Variants in DCAF6 observed in about 807,000 individuals in gnomAD.
DCAF6 encodes DDB1- and CUL4-associated factor 6.
DCAF6 carries 54 observed loss-of-function variants against 125.1 expected under a neutral mutation model. That is an observed-to-expected ratio of 0.43 (90% confidence interval 0.35 to 0.54). The LOEUF (loss-of-function observed/expected upper bound fraction) is 0.54, where lower values mean the gene tolerates loss of function less well. Ranked by LOEUF, DCAF6 falls within the 20% of genes least tolerant of loss-of-function variation. The probability of loss-of-function intolerance (pLI) is 0.01; values close to 1 mark genes in which losing one functional copy is unlikely to be tolerated. For missense variants in DCAF6, 934 were observed against 1,161.7 expected, an observed-to-expected ratio of 0.80 and a Z score of 2.85; for synonymous variants, 371 against 390.4, an observed-to-expected ratio of 0.95 and a Z score of 0.58.
intron 17 of DCAF6, among the ~76,000 whole-genome samples, chr1:168,058,319 TA>T (rs1186128033): frequency 2.6e-5 from 4 of 152,250 alleles, no homozygotes; most frequent in Non-Finnish European, 4.4e-5. Context: ...CTTGCGTATA[TA>T]CCAAGGAATG....
At chr1:167,943,795 A>G (rs1487373748) in intron 1 of DCAF6, among the ~76,000 whole-genome samples, 2 of 152,162 alleles carry the variant, frequency 1.3e-5, no homozygotes, top group African/African-American at 4.8e-5. Context: ...TTAACCTAAG[A>G]TAATGACCTC....
chr1:167,985,238 C>G, intron 4 of DCAF6, among the ~76,000 whole-genome samples: 2 of 150,176 alleles, frequency 1.3e-5, no homozygotes, highest in Non-Finnish European at 3.0e-5. Context: ...TGTGTGTGTG[C>G]GTGCGCGTGT....
the DCAF6 span, among the ~76,000 whole-genome samples, chr1:167,870,959 A>C: frequency 1.3e-5 from 2 of 152,196 alleles, no homozygotes; most frequent in African/African-American, 4.8e-5. Flanking sequence ...TGTGAGAGAA[A>C]GTATTCTTAT....
the DCAF6 span, among the ~76,000 whole-genome samples, chr1:167,921,242 TTA>T: frequency 6.6e-6 from 1 of 152,012 alleles, no homozygotes; most frequent in African/African-American, 2.4e-5. Flanking sequence ...TTTTTTTTTT[TTA>T]GACAGTCTCA....
the DCAF6 span, among the ~76,000 whole-genome samples, chr1:167,922,806 A>G: frequency 6.6e-6 from 1 of 152,184 alleles, no homozygotes; most frequent in Non-Finnish European, 1.5e-5. Context: ...TAACCATTTT[A>G]AAAGTACATT....
the DCAF6 span, chr1:167,916,619 A>C: frequency 1.3e-5 from 2 of 152,260 alleles, no homozygotes; most frequent in Non-Finnish European, 2.9e-5. Flanking sequence ...ACAAGAAAGG[A>C]GGACTGCCTA....
chr1:167,950,759 A>G (rs1673801985), intron 1 of DCAF6, among the ~76,000 whole-genome samples: 1 of 152,206 alleles, frequency 6.6e-6, no homozygotes, highest in South Asian at 2.1e-4. Flanking sequence ...CAGCTTCTGA[A>G]TAAACATGCT....
chr1:167,969,703 C>CA lies in DCAF6; in HGVS notation c.252+2989dup, dbSNP rs1431219277. On this transcript the variant is annotated intron_variant, in intron 3 of 21. Coordinates refer to ENST00000367840, the MANE Select transcript of DCAF6 (RefSeq NM_001198956.2). ...GTTTTACTTAATTGTCCTGGCTTAG[C>CA]AAAAAAAGCTTGATGTTTTCAAATC... 5.3e-5 allele frequency among the ~76,000 whole-genome samples: 8 copies of CA among 152,122 alleles called. No individual in the cohort carries two copies. The South Asian group carries it at 1.0e-3, about 20-fold the overall frequency.
the DCAF6 span, among the ~76,000 whole-genome samples, chr1:167,874,483 T>C: frequency 1.3e-5 from 2 of 152,192 alleles, no homozygotes; most frequent in Non-Finnish European, 2.9e-5. Flanking sequence ...TAAAACTAAG[T>C]TGTTGCCAAA....
intron 1 of DCAF6, among the ~76,000 whole-genome samples, chr1:167,938,136 T>G (rs918392900): frequency 6.6e-6 from 1 of 152,220 alleles, no homozygotes; most frequent in Non-Finnish European, 1.5e-5. Flanking sequence ...AAAATCCCTT[T>G]GATCCCTCCC....
At chr1:167,912,181 T>C in the DCAF6 span, among the ~76,000 whole-genome samples, 3 of 152,302 alleles carry the variant, frequency 2.0e-5, no homozygotes, top group Non-Finnish European at 4.4e-5. Context: ...CATTCTATTG[T>C]AGGAGTTATT....
At chr1:168,029,292 G>A (rs1001098376) in intron 12 of DCAF6, among the ~76,000 whole-genome samples, 3 of 152,156 alleles carry the variant, frequency 2.0e-5, no homozygotes, top group Non-Finnish European at 2.9e-5. Flanking sequence ...ACAATGAGGT[G>A]AATTATCTTA....
chr1:167,945,955 GTTTT>G (rs1238443018), intron 1 of DCAF6, among the ~76,000 whole-genome samples: 8 of 123,934 alleles, frequency 6.5e-5, no homozygotes, highest in African/African-American at 2.1e-4. Context: ...AAATCTAAGG[GTTTT>G]TTTTTTTTTT....
chr1:167,929,403 A>G, the DCAF6 span, among the ~76,000 whole-genome samples: 119 of 152,282 alleles, frequency 7.8e-4, 1 homozygote, highest in South Asian at 0.023. Flanking sequence ...ACTATGAACT[A>G]TGTTCAAGAA....
chr1:167,976,886 G>GTTTTTTTTTTTTTTTT lies in DCAF6; in HGVS notation c.438+1890_438+1905dup, dbSNP rs397981860. On this transcript the variant is annotated intron_variant, in intron 4 of 21. Transcript: ENST00000367840. ...TGTACTGAAGGTACATCCTTTAGCA[G>GTTTTTTTTTTTTTTTT]TTTTTTTTTTTTTTTTTTTTTTTTT... 5.3e-5 allele frequency among the ~76,000 whole-genome samples: 2 copies of GTTTTTTTTTTTTTTTT among 38,012 alleles called. 1 individual carries two copies. Among genetic ancestry groups the GTTTTTTTTTTTTTTTT allele is most frequent in the Non-Finnish European group, 1.0e-4 (2 of 19,412 alleles). 24.9% of individuals were successfully genotyped at this position (38,012 alleles called of 152,430 possible). A position where few individuals can be genotyped will look rare whatever the true frequency, so the allele number is the denominator to read the frequency against.
chr1:167,967,730 T>C (rs902475161), intron 3 of DCAF6, among the ~76,000 whole-genome samples: 7 of 143,506 alleles, frequency 4.9e-5, no homozygotes, highest in African/African-American at 1.8e-4. Context: ...TTTTTTTTTT[T>C]TTTTTTTTTT....
intron 2 of DCAF6, among the ~76,000 whole-genome samples, chr1:167,954,020 G>C (rs1674381673): frequency 6.6e-6 from 1 of 151,872 alleles, no homozygotes; most frequent in South Asian, 2.1e-4. Context: ...TTGTTTGTTT[G>C]TTTTGAGACT....
At chr1:167,863,880 A>C in the DCAF6 span, among the ~76,000 whole-genome samples, 1 of 152,180 alleles carries the variant, frequency 6.6e-6, no homozygotes, top group Non-Finnish European at 1.5e-5. Flanking sequence ...ATTTGAGTGG[A>C]AGCATGGCCT....
the DCAF6 span, among the ~76,000 whole-genome samples, chr1:167,870,669 C>G: frequency 1.7e-3 from 257 of 149,092 alleles, 2 homozygotes; most frequent in African/African-American, 6.1e-3. Flanking sequence ...ATTAGCCAGA[C>G]TTGGTGGCGG....
Sources: allele counts gnomAD v4.1 joint callset (sites outside exome capture counted in the v4.1 genomes callset), GRCh38; gene constraint gnomAD v4.1.1; transcripts MANE v1.5; gene names NCBI Gene and HGNC (gene_info 2026-07-23, HGNC 2026-07-21).